CSGALNACT1: variants seen among roughly 807,000 people sequenced by gnomAD.
CSGALNACT1 encodes chondroitin sulfate N-acetylgalactosaminyltransferase 1, also known as beta4GalNAcT-1.
Under a neutral mutation model 51.0 loss-of-function variants are expected in CSGALNACT1, and 52 were observed. The ratio of observed to expected loss-of-function variants is 1.02; its 90% CI spans 0.82 to 1.29. The LOEUF (loss-of-function observed/expected upper bound fraction) is 1.29, where lower values mean the gene tolerates loss of function less well. Among genes scored for constraint, CSGALNACT1 ranks in the 50% most tolerant of loss-of-function variants. CSGALNACT1 has a pLI of 0.00. For missense variants in CSGALNACT1, 935 were observed against 679.2 expected (o/e 1.38, Z -4.19); for synonymous variants, 341 against 254.4 (o/e 1.34, Z -3.24).
intron 1 of CSGALNACT1, among the ~76,000 whole-genome samples, chr8:19,675,454 GGA>G: frequency 6.6e-6 from 1 of 152,088 alleles, no homozygotes; most frequent in Non-Finnish European, 1.5e-5. Context: ...ACCACAGAGA[GGA>G]GAGAGCTGGA....
intron 1 of CSGALNACT1, among the ~76,000 whole-genome samples, chr8:19,644,025 T>C (rs1193936703): frequency 6.6e-6 from 1 of 152,258 alleles, no homozygotes; most frequent in Non-Finnish European, 1.5e-5. Flanking sequence ...GTTCATAAAA[T>C]TGTAATTTAC....
intron 3 of CSGALNACT1, among the ~76,000 whole-genome samples, chr8:19,529,977 T>C (rs541094904): frequency 6.6e-6 from 1 of 152,130 alleles, no homozygotes; most frequent in Non-Finnish European, 1.5e-5. Context: ...TCCTAGCACT[T>C]AGGAAGGCTG....
intron 1 of CSGALNACT1, among the ~76,000 whole-genome samples, chr8:19,651,574 G>T (rs1015790707): frequency 6.6e-6 from 1 of 152,168 alleles, no homozygotes; most frequent in Admixed American, 6.5e-5. Flanking sequence ...CTCCATACTT[G>T]TTGCTGCAAA....
chr8:19,445,537 C>T (rs2061973900), intron 5 of CSGALNACT1, among the ~76,000 whole-genome samples: 1 of 152,198 alleles, frequency 6.6e-6, no homozygotes, highest in Non-Finnish European at 1.5e-5. Context: ...GGTTCCGTTG[C>T]ATTCATTCGT....
intron 4 of CSGALNACT1, among the ~76,000 whole-genome samples, chr8:19,464,499 A>C (rs2066238379): frequency 6.6e-6 from 1 of 152,068 alleles, no homozygotes; most frequent in Non-Finnish European, 1.5e-5. Flanking sequence ...GCACCAATCA[A>C]GCTGGTTTAT....
intron 3 of CSGALNACT1, among the ~76,000 whole-genome samples, chr8:19,520,791 T>A (rs2080514237): frequency 6.6e-6 from 1 of 152,222 alleles, no homozygotes; most frequent in East Asian, 1.9e-4. Context: ...TGATACCTCC[T>A]ATGAGGTAGG....
Position 19,740,218 on chromosome 8 carries a change from A to T in CSGALNACT1, c.-297+17632T>A, listed in dbSNP as rs571213859. On this transcript the variant is annotated intron_variant, in intron 1 of 1. Coordinates refer to the CSGALNACT1 transcript ENST00000517494. ...ATCTGGTCCACAGGAAGCACACACAAATCTCTCCAACACGCTTGGCAGCGG... is the reference window on the plus strand; with the variant it reads ...ATCTGGTCCACAGGAAGCACACACATATCTCTCCAACACGCTTGGCAGCGG... Among the ~76,000 whole-genome samples, 123 of 152,184 alleles carry T rather than the reference A, an allele frequency of 8.1e-4. 1 individual carries two copies. Among genetic ancestry groups the T allele is most frequent in the African/African-American group, 2.9e-3 (119 of 41,534 alleles).
intron 1 of CSGALNACT1, among the ~76,000 whole-genome samples, chr8:19,736,092 A>G (rs1437015840): frequency 6.6e-6 from 1 of 152,236 alleles, no homozygotes; most frequent in Non-Finnish European, 1.5e-5. Context: ...TGCGATCACA[A>G]CAAACTAAAG....
At chr8:19,574,630 C>T (rs975175543) in intron 3 of CSGALNACT1, among the ~76,000 whole-genome samples, 1 of 152,178 alleles carries the variant, frequency 6.6e-6, no homozygotes. Flanking sequence ...GGAGTCCGAC[C>T]CTGGCAGTGC....
At chr8:19,716,252 C>T (rs1007389323) in intron 1 of CSGALNACT1, among the ~76,000 whole-genome samples, 24 of 152,072 alleles carry the variant, frequency 1.6e-4, no homozygotes, top group African/African-American at 5.6e-4. Context: ...CCCCTCCCTC[C>T]ATGCTCTGAG....
At chr8:19,712,551 G>A (rs1464352179) in intron 1 of CSGALNACT1, among the ~76,000 whole-genome samples, 1 of 152,166 alleles carries the variant, frequency 6.6e-6, no homozygotes. Flanking sequence ...AGTAGGCCTT[G>A]CTGTGCTTCT....
chr8:19,544,070 C>T (rs2085900752), intron 3 of CSGALNACT1, among the ~76,000 whole-genome samples: 1 of 149,322 alleles, frequency 6.7e-6, no homozygotes, highest in Admixed American at 6.7e-5. Flanking sequence ...ATTGTGGGGA[C>T]ATAACTTTTT....
At chr8:19,577,401 C>CAAAAAAAAAAAAAAAAA (rs111734132) in intron 3 of CSGALNACT1, among the ~76,000 whole-genome samples, 11 of 104,252 alleles carry the variant, frequency 1.1e-4, no homozygotes, top group African/African-American at 3.5e-4. Flanking sequence ...CCCACCTCTA[C>CAAAAAAAAAAAAAAAAA]AAAAAAAAAA....
chr8:19,574,779 C>T (rs2043786658), intron 3 of CSGALNACT1, among the ~76,000 whole-genome samples: 1 of 152,076 alleles, frequency 6.6e-6, no homozygotes, highest in Non-Finnish European at 1.5e-5. Context: ...CACCTGTAAT[C>T]CCAACACTTT....
At chr8:19,641,128 C>CTT (rs56681695) in intron 1 of CSGALNACT1, among the ~76,000 whole-genome samples, 33 of 99,988 alleles carry the variant, frequency 3.3e-4, no homozygotes, top group Non-Finnish European at 5.4e-4. Flanking sequence ...GGTGACTGGT[C>CTT]TTTTTTTTTT....
intron 3 of CSGALNACT1, among the ~76,000 whole-genome samples, chr8:19,514,303 G>A (rs535738889): frequency 6.6e-6 from 1 of 151,728 alleles, no homozygotes; most frequent in East Asian, 1.9e-4. Context: ...CTTAGCACAG[G>A]TACTGGCTCG....
chr8:19,696,460 G>A (rs2061588221), intron 1 of CSGALNACT1, among the ~76,000 whole-genome samples: 1 of 152,192 alleles, frequency 6.6e-6, no homozygotes, highest in African/African-American at 2.4e-5. Context: ...CAGGGCATAT[G>A]AAACACCACG....
intron 4 of CSGALNACT1, among the ~76,000 whole-genome samples, chr8:19,503,295 C>G (rs1193692228): frequency 1.3e-5 from 2 of 152,132 alleles, no homozygotes; most frequent in Non-Finnish European, 1.5e-5. Context: ...TACTGAGTAG[C>G]TATAATGTGT....
intron 3 of CSGALNACT1, chr8:19,531,943 G>A (rs1182157191): frequency 6.6e-6 from 1 of 152,124 alleles, no homozygotes; most frequent in Admixed American, 6.6e-5. Flanking sequence ...GGATGCTTGG[G>A]CTTCTGGAAG....
Sources: allele counts gnomAD v4.1 joint callset (sites outside exome capture counted in the v4.1 genomes callset), GRCh38; gene constraint gnomAD v4.1.1; transcripts MANE v1.5; gene names NCBI Gene and HGNC (gene_info 2026-07-23, HGNC 2026-07-21).